LPIN2: variants seen among roughly 807,000 people sequenced by gnomAD.
LPIN2 encodes the protein lipin 2.
LPIN2 carries 55 observed loss-of-function variants against 111.4 expected under a neutral mutation model. The ratio of observed to expected loss-of-function variants is 0.49; its 90% CI spans 0.40 to 0.62. LPIN2 has a LOEUF of 0.62. Ranked by LOEUF, LPIN2 falls within the 20% of genes least tolerant of loss-of-function variation. The probability of loss-of-function intolerance (pLI) is 0.00; values close to 1 mark genes in which losing one functional copy is unlikely to be tolerated. For missense variants in LPIN2, 992 were observed against 1,112.1 expected (o/e 0.89, Z 1.54); for synonymous variants, 425 against 414.0 (o/e 1.03, Z -0.32).
At chr18:2,963,039 G>A (rs1267138241) in intron 1 of LPIN2, among the ~76,000 whole-genome samples, 3 of 152,180 alleles carry the variant, frequency 2.0e-5, no homozygotes, top group African/African-American at 7.2e-5. Context: ...AACCTAATGT[G>A]TAAATGCCAG....
chr18:2,921,224 G>C, intron 18 of LPIN2: 1 of 550,260 alleles, frequency 1.8e-6, no homozygotes, highest in South Asian at 2.0e-5. Context: ...CCCTGGCTCT[G>C]GGGTGATCCA....
chr18:2,921,326 T>G, intron 18 of LPIN2: 1 of 617,308 alleles, frequency 1.6e-6, no homozygotes, highest in South Asian at 1.9e-5. Flanking sequence ...GCGTCCTTCG[T>G]ATAAATTCTG....
At chr18:2,979,641 C>G (rs1471347796) in intron 1 of LPIN2, among the ~76,000 whole-genome samples, 2 of 152,114 alleles carry the variant, frequency 1.3e-5, no homozygotes, top group Non-Finnish European at 2.9e-5. Flanking sequence ...CTTCTAAATC[C>G]TTCCTTACTG....
Position 2,920,200 on chromosome 18 carries a change from G to T in LPIN2, c.*93C>A. ...TCCAGAAGCACCCGTCCCCGCTGGG[G>T]AAGGCTGGTATCTGAGGTCAGCAGA... On this transcript the variant is annotated 3_prime_UTR_variant, in exon 20 of 20. Coordinates refer to ENST00000677752, the MANE Select transcript of LPIN2 (RefSeq NM_001375808.2). 1 of 1,554,658 alleles carries T rather than the reference G, an allele frequency of 6.4e-7. No homozygotes were observed. The highest frequency in any genetic ancestry group is 8.9e-7 in the Non-Finnish European group (1 of 1,129,902).
rs2077054614 is a variant in LPIN2, at chr18:2,921,558, T to C, written c.2417A>G (p.Tyr806Cys). The C allele has an allele frequency of 1.2e-6, 2 of 1,613,952 alleles. No individual in the cohort carries two copies. Among genetic ancestry groups the C allele is most frequent in the Non-Finnish European group, 1.7e-6 (2 of 1,179,804 alleles). ...NLFAPSKQPFYAAFGNRPNDV... is the reference protein window; with the variant it reads ...NLFAPSKQPFCAAFGNRPNDV... ...ATTTGGACGGTTTCCAAAGGCAGCA[T>C]AGAAGGGCTGCTTAGACGGGGCAAA... Residue 806 changes from tyrosine to cysteine, a missense_variant, in exon 18 of 20, where the codon TAT (tyrosine) becomes TGT (cysteine). Tyr to Cys is a radical substitution (Grantham distance 194, BLOSUM62 -2). Around this residue, in one of 4 missense-constraint regions of LPIN2, gnomAD observed 185 missense variants for 186.5 expected, o/e 0.99. Coordinates refer to ENST00000677752, the MANE Select transcript of LPIN2 (RefSeq NM_001375808.2).
Position 2,929,255 on chromosome 18 carries a change from T to C in LPIN2, c.1457-97A>G, listed in dbSNP as rs2077180370. ...GCATTGCAGAAATTGAAGGCTAAAA[T>C]CATCTGTCTAAAAAAACTAATTTTT... On this transcript the variant is annotated intron_variant, in intron 9 of 19. Transcript: ENST00000677752. 3.5e-6 allele frequency: 3 copies of C among 845,366 alleles called. No individual in the cohort carries two copies. In the East Asian group the frequency reaches 7.4e-5, roughly 21 times the overall value. 52.4% of individuals were successfully genotyped at this position (845,366 alleles called of 1,614,324 possible).
At position 2,918,308 on chromosome 18, in the gene LPIN2, C is replaced by T. The variant is rs1324894625; in HGVS notation, c.*1985G>A. ...TAGTCAAAAACTCTTTAAAGGACAA[C>T]CTAAAAAGGATTAAAGATGTATATT... On this transcript the variant is annotated 3_prime_UTR_variant, in exon 20 of 20. Transcript: ENST00000677752. 1 of 152,126 alleles carries T rather than the reference C, an allele frequency of 6.6e-6. No homozygotes were observed. The highest frequency in any genetic ancestry group is 1.5e-5 in the Non-Finnish European group (1 of 68,036). The allele number at this position is 152,126 out of a possible 1,614,324, so 9.4% of individuals were successfully genotyped here.
Position 2,919,987 on chromosome 18 carries a change from C to T in LPIN2, c.*306G>A, listed in dbSNP as rs1238784750. 2 of 465,466 alleles carry T rather than the reference C, an allele frequency of 4.3e-6. No individual in the cohort carries two copies. The highest frequency in any genetic ancestry group is 3.4e-5 in the Admixed American group (1 of 29,794). 28.8% of individuals were successfully genotyped at this position (465,466 alleles called of 1,614,324 possible). A position where few individuals can be genotyped will look rare whatever the true frequency, so the allele number is the denominator to read the frequency against. On this transcript the variant is annotated 3_prime_UTR_variant, in exon 20 of 20. Transcript: ENST00000677752. ...CTCTTTTTTAGCTGCTTTTTTCTTCCTTTAAAATGATGCAATGGAAGGAGG... is the reference window on the plus strand; with the variant it reads ...CTCTTTTTTAGCTGCTTTTTTCTTCTTTTAAAATGATGCAATGGAAGGAGG...
intron 1 of LPIN2, among the ~76,000 whole-genome samples, chr18:2,966,270 G>A (rs2077802285): frequency 6.6e-6 from 1 of 152,166 alleles, no homozygotes; most frequent in Non-Finnish European, 1.5e-5. Context: ...ACTATTTTAA[G>A]TGTTTCAAAA....
chr18:2,920,418 G>T lies in LPIN2; in HGVS notation c.2566C>A (p.Leu856Ile). 1.2e-6 allele frequency: 2 copies of T among 1,613,840 alleles called. No individual in the cohort carries two copies. Among genetic ancestry groups the T allele is most frequent in the Non-Finnish European group, 1.7e-6 (2 of 1,180,040 alleles). ...AGAAGGGGGAACACATGCTCCACGAGCTCACTCAGCCTGTGATACCTAAGA... is the reference window on the plus strand; with the variant it reads ...AGAAGGGGGAACACATGCTCCACGATCTCACTCAGCCTGTGATACCTAAGA... ...NKSSYHRLSE[L>I]VEHVFPLLSK... The change falls in exon 20 of 20, where the codon CTC becomes ATC. Residue 856 changes from leucine to isoleucine, a missense_variant. Leu to Ile is a conservative substitution (Grantham distance 5, BLOSUM62 2). Transcript: ENST00000677752.
At chr18:2,971,716 G>A (rs926492739) in intron 1 of LPIN2, among the ~76,000 whole-genome samples, 2 of 149,852 alleles carry the variant, frequency 1.3e-5, no homozygotes, top group Non-Finnish European at 3.0e-5. Flanking sequence ...AAATTCAAGA[G>A]GTAAGTGAAG....
chr18:2,952,869 T>TC (rs1451255199), intron 3 of LPIN2, among the ~76,000 whole-genome samples: 1 of 152,198 alleles, frequency 6.6e-6, no homozygotes, highest in African/African-American at 2.4e-5. Flanking sequence ...GTGCAGCTAT[T>TC]AAAAGCACAG....
intron 1 of LPIN2, chr18:2,979,004 C>T (rs1355176654): frequency 6.6e-6 from 1 of 152,282 alleles, no homozygotes; most frequent in Admixed American, 6.5e-5. Flanking sequence ...CTCTTGTTTT[C>T]TTGACAGTGA....
rs139224222 is a variant in LPIN2 at position 2,940,120 on chromosome 18, G to A, written c.698+485C>T. Reference sequence around the variant, plus strand: ...GCGAGAGGATCACCTGAGGCCAGGAGTTCAAGAATAGCCTGGGCAAAATAG... The same window carrying A: ...GCGAGAGGATCACCTGAGGCCAGGAATTCAAGAATAGCCTGGGCAAAATAG... On this transcript the variant is annotated intron_variant, in intron 5 of 19. Coordinates refer to ENST00000677752, the MANE Select transcript of LPIN2 (RefSeq NM_001375808.2). 2.7e-3 allele frequency among the ~76,000 whole-genome samples: 411 copies of A among 152,030 alleles called. 3 individuals are homozygous for A. The highest frequency in any genetic ancestry group is 0.024 in the Middle Eastern group (7 of 294).
At chr18:3,009,255 C>T (rs1016646971) in intron 1 of LPIN2, among the ~76,000 whole-genome samples, 1 of 151,544 alleles carries the variant, frequency 6.6e-6, no homozygotes, top group Non-Finnish European at 1.5e-5. Flanking sequence ...AAAAATTAGC[C>T]AGGTGTGGTG....
At chr18:3,012,558 C>T (rs934829142) in intron 1 of LPIN2, among the ~76,000 whole-genome samples, 1 of 152,192 alleles carries the variant, frequency 6.6e-6, no homozygotes, top group Non-Finnish European at 1.5e-5. Flanking sequence ...GGCGGAGGTA[C>T]GGGGCAAAGC....
chr18:2,956,772 T>A (rs1397600925), intron 2 of LPIN2, among the ~76,000 whole-genome samples: 2 of 152,244 alleles, frequency 1.3e-5, no homozygotes, highest in East Asian at 3.8e-4. Context: ...TTCACAGCCC[T>A]TACTTTTAGA....
At chr18:2,951,881 A>C (rs1281202415) in intron 3 of LPIN2, among the ~76,000 whole-genome samples, 1 of 152,252 alleles carries the variant, frequency 6.6e-6, no homozygotes, top group African/African-American at 2.4e-5. Flanking sequence ...GAGAAAGGCA[A>C]TTAGAGACAA....
At chr18:2,982,282 CTG>C (rs2078122564) in intron 1 of LPIN2, among the ~76,000 whole-genome samples, 2 of 152,210 alleles carry the variant, frequency 1.3e-5, no homozygotes, top group South Asian at 4.1e-4. Flanking sequence ...CCAACAAAAA[CTG>C]TAACACTTTT....
Sources: gnomAD v4.1 joint callset for allele counts (sites outside exome capture counted in the v4.1 genomes callset) on GRCh38, gnomAD v4.1.1 for gene constraint, gnomAD v4.1.1 regional missense constraint, MANE v1.5 for transcripts, NCBI Gene and HGNC (gene_info 2026-07-23, HGNC 2026-07-21) for gene names.